The following ALPK2 variants were observed in gnomAD, a reference collection of about 807,000 sequenced individuals.
The protein encoded by ALPK2 is alpha kinase 2, also known as alpha-protein kinase 2.
Under a neutral mutation model 163.1 loss-of-function variants are expected in ALPK2, and 127 were observed. That is an observed-to-expected ratio of 0.78 (90% confidence interval 0.67 to 0.90). The LOEUF (loss-of-function observed/expected upper bound fraction) is 0.90. Among genes scored for constraint, ALPK2 ranks in the 40% least tolerant of loss-of-function variants. The probability of loss-of-function intolerance (pLI) is 0.00; values close to 1 mark genes in which losing one functional copy is unlikely to be tolerated. For synonymous variants in ALPK2, 953 were observed against 959.1 expected, an observed-to-expected ratio of 0.99 and a Z score of 0.12; for missense variants, 2,360 against 2,589.6, an observed-to-expected ratio of 0.91 and a Z score of 1.92.
At chr18:58,512,540 A>G (rs1210064381) in intron 10 of ALPK2, among the ~76,000 whole-genome samples, 2 of 152,098 alleles carry the variant, frequency 1.3e-5, no homozygotes, top group African/African-American at 4.8e-5. Flanking sequence ...CTAGACGTGC[A>G]GGCTTTCAGA....
At position 58,481,750 on chromosome 18, in the gene ALPK2, C is replaced by G. The variant is rs771211292; in HGVS notation, c.*73G>C. On this transcript the variant is annotated 3_prime_UTR_variant, in exon 13 of 13. Transcript: ENST00000361673. Reference sequence around the variant, plus strand: ...ACTCTCTGCAGGCTGTATATTCTCTCCTGTGTGGCCTCAGATTTTCCCTGG... The same window carrying G: ...ACTCTCTGCAGGCTGTATATTCTCTGCTGTGTGGCCTCAGATTTTCCCTGG... The G allele has an allele frequency of 1.6e-6, 2 of 1,255,814 alleles. No homozygotes were observed. The highest frequency in any genetic ancestry group is 2.3e-6 in the Non-Finnish European group (2 of 863,390). 77.8% of individuals were successfully genotyped at this position (1,255,814 alleles called of 1,614,324 possible). A position where few individuals can be genotyped will look rare whatever the true frequency, so the allele number is the denominator to read the frequency against.
At chr18:58,510,099 A>G (rs1483397328) in intron 10 of ALPK2, among the ~76,000 whole-genome samples, 1 of 152,218 alleles carries the variant, frequency 6.6e-6, no homozygotes, top group Non-Finnish European at 1.5e-5. Flanking sequence ...AGCTTTCTGC[A>G]TGTGGCTAGC....
At chr18:58,544,836 C>T (rs2051709276) in intron 4 of ALPK2, among the ~76,000 whole-genome samples, 3 of 152,280 alleles carry the variant, frequency 2.0e-5, no homozygotes, top group Non-Finnish European at 4.4e-5. Context: ...CCGCCAATCC[C>T]CTTGTCTCTT....
At position 58,536,869 on chromosome 18, in the gene ALPK2, C is replaced by A; in HGVS notation, c.3318G>T (p.Leu1106=). The change falls in exon 5 of 13, where the codon CTG becomes CTT. Residue 1106 remains leucine (L), a synonymous_variant. Transcript: ENST00000361673. ...CSNSPLQVDN[L]SGDKSQTVDR... ...CCACAGTCTGGCTCTTATCTCCAGA[C>A]AGGTTATCAACCTGAAGAGGGGAAT... is the stretch of plus-strand genomic sequence containing the variant. The A allele has an allele frequency of 6.2e-7, 1 of 1,614,170 alleles. No homozygotes were observed. Among genetic ancestry groups the A allele is most frequent in the Non-Finnish European group, 8.5e-7 (1 of 1,180,026 alleles).
intron 8 of ALPK2, among the ~76,000 whole-genome samples, chr18:58,520,528 T>A (rs1302327760): frequency 6.7e-6 from 1 of 150,102 alleles, no homozygotes; most frequent in Non-Finnish European, 1.5e-5. Context: ...AATGCCTCAC[T>A]GAGGTTCCTT....
At chr18:58,551,718 C>A (rs577865492) in intron 4 of ALPK2, among the ~76,000 whole-genome samples, 162 of 152,272 alleles carry the variant, frequency 1.1e-3, no homozygotes, top group Admixed American at 1.8e-3. Flanking sequence ...AGTGGCAGGA[C>A]AATGATAGGG....
chr18:58,577,709 A>C (rs146371916), intron 4 of ALPK2, among the ~76,000 whole-genome samples: 1 of 152,182 alleles, frequency 6.6e-6, no homozygotes, highest in East Asian at 1.9e-4. Context: ...GAACAGAACA[A>C]TTTGCTCAAT....
chr18:58,605,226 T>C (rs2052091880), intron 3 of ALPK2, among the ~76,000 whole-genome samples: 1 of 152,220 alleles, frequency 6.6e-6, no homozygotes, highest in Non-Finnish European at 1.5e-5. Flanking sequence ...TAAAGTTTTA[T>C]TGGTACACAA....
At chr18:58,548,603 G>C (rs1437675665) in intron 4 of ALPK2, among the ~76,000 whole-genome samples, 1 of 152,132 alleles carries the variant, frequency 6.6e-6, no homozygotes, top group Non-Finnish European at 1.5e-5. Context: ...TTACAGGCGT[G>C]AGTCACCGCG....
chr18:58,500,238 GAAAA>G (rs10570591), intron 11 of ALPK2, among the ~76,000 whole-genome samples: 9 of 114,448 alleles, frequency 7.9e-5, no homozygotes, highest in Admixed American at 1.7e-4. Context: ...ACTATGCTTT[GAAAA>G]AAAAAAAAAA....
At chr18:58,618,236 G>A (rs1393892948) in intron 1 of ALPK2, among the ~76,000 whole-genome samples, 1 of 152,014 alleles carries the variant, frequency 6.6e-6, no homozygotes, top group African/African-American at 2.4e-5. Flanking sequence ...TAGTAGAGAC[G>A]GGGTTTCACC....
At chr18:58,625,186 GAA>G (rs200263154) in intron 1 of ALPK2, among the ~76,000 whole-genome samples, 2 of 137,958 alleles carry the variant, frequency 1.4e-5, no homozygotes. Flanking sequence ...ACCCTCAGCT[GAA>G]AAAAAAAAAA....
intron 3 of ALPK2, among the ~76,000 whole-genome samples, chr18:58,591,652 G>A (rs4940729): frequency 0.67 from 102,266 of 151,996 alleles, 34,854 homozygotes; most frequent in East Asian, 0.99. Flanking sequence ...TGGTGGAGGG[G>A]TGATCATTCT....
intron 12 of ALPK2, among the ~76,000 whole-genome samples, chr18:58,488,383 T>C (rs1335924284): frequency 2.7e-5 from 4 of 149,294 alleles, no homozygotes; most frequent in Non-Finnish European, 3.0e-5. Flanking sequence ...ATGAATGGCA[T>C]AGCCTTTCAG....
intron 1 of ALPK2, among the ~76,000 whole-genome samples, chr18:58,622,895 G>A (rs965495752): frequency 4.4e-4 from 67 of 152,124 alleles, no homozygotes; most frequent in Admixed American, 1.4e-3. Context: ...TGACCAAGAG[G>A]TGAAATGCTG....
intron 3 of ALPK2, among the ~76,000 whole-genome samples, chr18:58,593,025 C>T (rs1215417296): frequency 2.6e-5 from 4 of 152,088 alleles, no homozygotes; most frequent in East Asian, 1.9e-4. Context: ...GATTTTAGGG[C>T]GGGGAGACTA....
intron 4 of ALPK2, among the ~76,000 whole-genome samples, chr18:58,571,349 A>G (rs935092247): frequency 2.6e-5 from 4 of 151,612 alleles, no homozygotes; most frequent in African/African-American, 9.7e-5. Flanking sequence ...GGTGCCTGGC[A>G]CTATGCTAAG....
chr18:58,515,226 C>T (rs550016390), intron 9 of ALPK2, 145 bp from the exon 10 acceptor site: 6 of 544,804 alleles, frequency 1.1e-5, no homozygotes, highest in Admixed American at 3.7e-5. Flanking sequence ...ACAGAGGCAA[C>T]GATTATTAGA....
rs1336671300 is a variant in ALPK2, at chr18:58,607,309, T to C, written c.227+13A>G. 1 of 1,565,954 alleles carries C rather than the reference T, an allele frequency of 6.4e-7. No individual in the cohort carries two copies. The highest frequency in any genetic ancestry group is 1.4e-5 in the African/African-American group (1 of 73,862). On this transcript the variant is annotated intron_variant, in intron 3 of 12. Transcript: ENST00000361673. Reference sequence around the variant, plus strand: ...GATATTAGTAAACAGTCCACAGGGGTATAGCCACTTACCAAGAGAGATGTA... The same window carrying C: ...GATATTAGTAAACAGTCCACAGGGGCATAGCCACTTACCAAGAGAGATGTA...
Sources: allele counts gnomAD v4.1 joint callset (sites outside exome capture counted in the v4.1 genomes callset), GRCh38; gene constraint gnomAD v4.1.1; transcripts MANE v1.5; gene names NCBI Gene and HGNC (gene_info 2026-07-23, HGNC 2026-07-21).